The following SHB variants were observed in gnomAD, a reference collection of about 807,000 sequenced individuals.
SHB encodes the protein SH2 domain containing adaptor protein B, also known as SH2 domain-containing adapter protein B.
Under a neutral mutation model 52.3 loss-of-function variants are expected in SHB, and 20 were observed. That is an observed-to-expected ratio of 0.38 (90% CI 0.27 to 0.56). The LOEUF (loss-of-function observed/expected upper bound fraction) is 0.56. Ranked by LOEUF, SHB falls within the 20% of genes least tolerant of loss-of-function variation. SHB has a pLI of 0.71. For synonymous variants in SHB, 397 were observed against 316.5 expected (o/e 1.25, Z -2.70); for missense variants, 825 against 723.3 (o/e 1.14, Z -1.61).
rs899546610 is a variant in SHB at position 38,012,924 on chromosome 9, C to A, written c.838+3087G>T. On this transcript the variant is annotated intron_variant, in intron 2 of 5. Coordinates refer to ENST00000377707, the MANE Select transcript of SHB (RefSeq NM_003028.3). ...GCCATCACCAGCACCACTCTCTCTTCCCCCACCATCTCCCCTTCGAAAAGC... is the reference window on the plus strand; with the variant it reads ...GCCATCACCAGCACCACTCTCTCTTACCCCACCATCTCCCCTTCGAAAAGC... Among the ~76,000 whole-genome samples the A allele has an allele frequency of 9.9e-5, 15 of 151,750 alleles. 1 individual carries two copies. The highest frequency in any genetic ancestry group is 2.6e-4 in the Admixed American group (4 of 15,208).
chr9:38,054,808 C>G (rs1283490139), intron 1 of SHB, among the ~76,000 whole-genome samples: 1 of 152,044 alleles, frequency 6.6e-6, no homozygotes, highest in Non-Finnish European at 1.5e-5. Flanking sequence ...ACCAGGTGCT[C>G]AAAAAGCTAG....
At chr9:38,008,370 C>T (rs115357066) in intron 2 of SHB, among the ~76,000 whole-genome samples, 1 of 152,218 alleles carries the variant, frequency 6.6e-6, no homozygotes, top group African/African-American at 2.4e-5. Context: ...GTGAGCCCTG[C>T]TGTTTCTTAA....
chr9:37,948,487 G>C, intron 5 of SHB, 148 bp downstream of exon 5: 2 of 891,680 alleles, frequency 2.2e-6, no homozygotes, highest in Non-Finnish European at 3.5e-6. Flanking sequence ...AGGAGAATAG[G>C]ATCAAATTGA....
At chr9:37,923,470 G>C (rs117366090) in intron 5 of SHB, among the ~76,000 whole-genome samples, 6 of 152,330 alleles carry the variant, frequency 3.9e-5, no homozygotes, top group Non-Finnish European at 8.8e-5. Flanking sequence ...CCGAGGTCCC[G>C]AGACTATCTG....
chr9:37,994,719 A>G (rs1820926966), intron 2 of SHB, among the ~76,000 whole-genome samples: 1 of 152,274 alleles, frequency 6.6e-6, no homozygotes, highest in African/African-American at 2.4e-5. Context: ...GTGCGCAGAC[A>G]CACAACCTTC....
intron 2 of SHB, among the ~76,000 whole-genome samples, chr9:38,011,962 G>A (rs1477834245): frequency 6.6e-6 from 1 of 152,170 alleles, no homozygotes; most frequent in Non-Finnish European, 1.5e-5. Context: ...GGAGGTTTGT[G>A]AAGGGCTGAG....
intron 3 of SHB, among the ~76,000 whole-genome samples, chr9:37,966,059 G>A (rs1036924416): frequency 4.6e-5 from 7 of 152,120 alleles, no homozygotes; most frequent in African/African-American, 7.2e-5. Context: ...GGCTGGTCTC[G>A]AGCTCCTGAC....
chr9:37,949,020 G>C (rs988281507), intron 4 of SHB, among the ~76,000 whole-genome samples: 1 of 152,232 alleles, frequency 6.6e-6, no homozygotes, highest in South Asian at 2.1e-4. Flanking sequence ...AGAGCACAGT[G>C]TGAGGACAGG....
intron 5 of SHB, among the ~76,000 whole-genome samples, chr9:37,921,715 G>A (rs17418324): frequency 0.069 from 10,541 of 152,250 alleles, 470 homozygotes; most frequent in South Asian, 0.11. Context: ...AGAAGCAGGC[G>A]GCGCACTCGC....
intron 5 of SHB, among the ~76,000 whole-genome samples, chr9:37,922,920 G>A (rs148565475): frequency 2.6e-3 from 401 of 152,208 alleles, no homozygotes; most frequent in African/African-American, 9.0e-3. Flanking sequence ...CTGCCTACCC[G>A]CTGAGGGCTT....
intron 2 of SHB, among the ~76,000 whole-genome samples, chr9:37,984,867 C>T (rs1042835566): frequency 1.3e-5 from 2 of 152,154 alleles, no homozygotes; most frequent in African/African-American, 4.8e-5. Flanking sequence ...TCAGGGGTCC[C>T]TCAGAGGCTG....
chr9:37,949,799 G>A (rs1430529530), intron 4 of SHB, among the ~76,000 whole-genome samples: 1 of 152,238 alleles, frequency 6.6e-6, no homozygotes, highest in Non-Finnish European at 1.5e-5. Flanking sequence ...ACTTGGGCAT[G>A]TGGGAATCCC....
At chr9:37,922,663 T>C (rs1263248744) in intron 5 of SHB, among the ~76,000 whole-genome samples, 2 of 152,170 alleles carry the variant, frequency 1.3e-5, no homozygotes, top group African/African-American at 4.8e-5. Flanking sequence ...GGACCAGCAC[T>C]TGGGCTCCAT....
chr9:37,993,457 T>G (rs1366585417), intron 2 of SHB, among the ~76,000 whole-genome samples: 2 of 152,142 alleles, frequency 1.3e-5, no homozygotes, highest in African/African-American at 4.8e-5. Flanking sequence ...ATACCTAATG[T>G]AAACGATGGG....
chr9:37,974,558 G>A, intron 3 of SHB, 64 bp downstream of exon 3: 1 of 1,422,002 alleles, frequency 7.0e-7, no homozygotes, highest in South Asian at 1.2e-5. Flanking sequence ...GCGCAGGTGG[G>A]GACCAAGGTG....
rs543772628 is a variant in SHB at position 38,035,025 on chromosome 9, T to A, written c.718-18894A>T. On this transcript the variant is annotated intron_variant, in intron 1 of 5. Coordinates refer to ENST00000377707, the MANE Select transcript of SHB (RefSeq NM_003028.3). ...GCCTTGTACTTTAATTAAGGAGCGG[T>A]CACCAGGATGATAAAGAGCCCAGAC... Among the ~76,000 whole-genome samples the A allele has an allele frequency of 1.0e-3, 154 of 152,054 alleles. 1 individual carries two copies. The highest frequency in any genetic ancestry group is 4.6e-3 in the South Asian group (22 of 4,808).
chr9:37,952,121 A>C (rs910841057), intron 4 of SHB, among the ~76,000 whole-genome samples: 4 of 152,034 alleles, frequency 2.6e-5, no homozygotes, highest in East Asian at 3.9e-4. Flanking sequence ...CCTTGATCTC[A>C]CGGGGCTGAT....
At chr9:37,983,858 C>T (rs1820770799) in intron 2 of SHB, among the ~76,000 whole-genome samples, 1 of 152,226 alleles carries the variant, frequency 6.6e-6, no homozygotes, top group South Asian at 2.1e-4. Flanking sequence ...GCACTTGCCA[C>T]TTAGCGGGGC....
intron 2 of SHB, among the ~76,000 whole-genome samples, chr9:37,975,424 T>C (rs1820642904): frequency 6.6e-6 from 1 of 152,162 alleles, no homozygotes; most frequent in African/African-American, 2.4e-5. Flanking sequence ...ATCTTTTAAA[T>C]AGACTGAATT....
Sources: allele counts gnomAD v4.1 joint callset (sites outside exome capture counted in the v4.1 genomes callset), GRCh38; gene constraint gnomAD v4.1.1; transcripts MANE v1.5; gene names NCBI Gene and HGNC (gene_info 2026-07-23, HGNC 2026-07-21).